Variants in ULK4 observed in about 807,000 individuals in gnomAD.
ULK4 encodes the protein inactive serine/threonine-protein kinase ULK4.
Under a neutral mutation model 160.6 loss-of-function variants are expected in ULK4, and 133 were observed. The observed-to-expected ratio is 0.83, with a 90% CI of 0.72 to 0.96. ULK4 has a LOEUF of 0.96. ULK4 is among the 40% of genes least tolerant of loss of function. The pLI is 0.00. For missense variants in ULK4, 1,580 were observed against 1,499.5 expected, an observed-to-expected ratio of 1.05 and a Z score of -0.89; for synonymous variants, 534 against 539.8, an observed-to-expected ratio of 0.99 and a Z score of 0.15.
intron 35 of ULK4, among the ~76,000 whole-genome samples, chr3:41,389,088 C>G (rs1559562831): frequency 6.6e-6 from 1 of 152,056 alleles, no homozygotes; most frequent in Admixed American, 6.5e-5. Context: ...AGAGGTCCTT[C>G]ACATCCCTTG....
intron 32 of ULK4, among the ~76,000 whole-genome samples, chr3:41,491,929 T>C (rs555202018): frequency 3.2e-4 from 47 of 148,900 alleles, no homozygotes; most frequent in African/African-American, 1.1e-3. Flanking sequence ...CCCCTTCCTG[T>C]GTCCATGTGT....
chr3:41,471,516 A>T (rs1278774180), intron 32 of ULK4, among the ~76,000 whole-genome samples: 1 of 152,186 alleles, frequency 6.6e-6, no homozygotes, highest in African/African-American at 2.4e-5. Flanking sequence ...TATGCAGAAC[A>T]TTCCACCTAA....
intron 35 of ULK4, among the ~76,000 whole-genome samples, chr3:41,273,780 T>G (rs1365604060): frequency 1.3e-5 from 2 of 152,168 alleles, no homozygotes; most frequent in African/African-American, 4.8e-5. Context: ...TAGTGAGTTC[T>G]TGCTTTTGCA....
At chr3:41,305,756 G>A (rs139357049) in intron 35 of ULK4, among the ~76,000 whole-genome samples, 71,526 of 140,048 alleles carry the variant, frequency 0.51, 19,203 homozygotes, top group African/African-American at 0.71. Flanking sequence ...CCCGGCCGCC[G>A]TCCCACCTAG....
At chr3:41,373,501 T>TAC (rs2081415582) in intron 35 of ULK4, among the ~76,000 whole-genome samples, 1 of 152,138 alleles carries the variant, frequency 6.6e-6, no homozygotes, top group African/African-American at 2.4e-5. Context: ...ACGGCACAAC[T>TAC]ACGTGGAAGC....
chr3:41,953,550 TGAG>T (rs1700374379), intron 2 of ULK4, among the ~76,000 whole-genome samples: 1 of 151,496 alleles, frequency 6.6e-6, no homozygotes. Flanking sequence ...ATTACAGGTG[TGAG>T]CCACCACACC....
intron 2 of ULK4, among the ~76,000 whole-genome samples, chr3:41,938,852 T>A (rs969409259): frequency 1.6e-4 from 24 of 152,292 alleles, no homozygotes; most frequent in Non-Finnish European, 2.8e-4. Flanking sequence ...TACTTTTCTC[T>A]CATTTTCTAT....
intron 1 of ULK4, among the ~76,000 whole-genome samples, chr3:41,957,801 AGGAG>A (rs1161213023): frequency 1.3e-5 from 2 of 152,244 alleles, no homozygotes; most frequent in African/African-American, 4.8e-5. Context: ...TGGGAGGCCA[AGGAG>A]GGAGGTTCAA....
At chr3:41,694,030 G>A (rs1029177572) in intron 27 of ULK4, among the ~76,000 whole-genome samples, 3 of 152,140 alleles carry the variant, frequency 2.0e-5, no homozygotes, top group African/African-American at 4.8e-5. Context: ...CAAACAAATC[G>A]TGACCTCATT....
At chr3:41,247,454 C>CT (rs1462751515) in intron 36 of ULK4, among the ~76,000 whole-genome samples, 1 of 152,180 alleles carries the variant, frequency 6.6e-6, no homozygotes, top group African/African-American at 2.4e-5. Flanking sequence ...AAAACGGGAA[C>CT]TTTTTTACTG....
intron 35 of ULK4, among the ~76,000 whole-genome samples, chr3:41,353,420 A>T (rs1225558866): frequency 2.6e-5 from 4 of 152,164 alleles, no homozygotes; most frequent in Admixed American, 2.6e-4. Flanking sequence ...CTGTAATTTC[A>T]GCATTTTGGG....
At chr3:41,514,600 A>G (rs1385523189) in intron 32 of ULK4, among the ~76,000 whole-genome samples, 1 of 152,244 alleles carries the variant, frequency 6.6e-6, no homozygotes, top group Non-Finnish European at 1.5e-5. Flanking sequence ...TAATAGCCAT[A>G]AAAACAATGA....
At chr3:41,894,730 C>T (rs1698091739) in intron 16 of ULK4, among the ~76,000 whole-genome samples, 1 of 152,134 alleles carries the variant, frequency 6.6e-6, no homozygotes. Context: ...AAGTACTTGG[C>T]CCAGAAAGCT....
intron 35 of ULK4, among the ~76,000 whole-genome samples, chr3:41,300,853 A>G: frequency 1.2e-5 from 1 of 84,434 alleles, no homozygotes; most frequent in Non-Finnish European, 2.3e-5. Context: ...ATATATATAT[A>G]TATATATATA....
intron 30 of ULK4, among the ~76,000 whole-genome samples, chr3:41,639,991 G>C (rs978577361): frequency 9.9e-5 from 15 of 152,178 alleles, no homozygotes; most frequent in Non-Finnish European, 1.9e-4. Flanking sequence ...GGCCAGACCT[G>C]TGTGTGTATG....
At chr3:41,473,795 C>A (rs1283780744) in intron 32 of ULK4, among the ~76,000 whole-genome samples, 1 of 149,958 alleles carries the variant, frequency 6.7e-6, no homozygotes, top group Non-Finnish European at 1.5e-5. Flanking sequence ...AATAACTGTA[C>A]CCTGAAAACT....
chr3:41,652,332 C>G (rs926379735), intron 30 of ULK4, among the ~76,000 whole-genome samples: 1 of 152,040 alleles, frequency 6.6e-6, no homozygotes, highest in Non-Finnish European at 1.5e-5. Context: ...GACAAAACTC[C>G]TAAGAATTTA....
intron 17 of ULK4, among the ~76,000 whole-genome samples, chr3:41,863,157 T>C (rs532895893): frequency 1.2e-3 from 183 of 152,268 alleles, no homozygotes; most frequent in African/African-American, 3.9e-3. Context: ...GAACTGGTAC[T>C]GAAACTACAC....
At chr3:41,618,997 A>T (rs902243348) in intron 30 of ULK4, among the ~76,000 whole-genome samples, 3 of 152,156 alleles carry the variant, frequency 2.0e-5, no homozygotes, top group Non-Finnish European at 4.4e-5. Flanking sequence ...GATTTAAAAT[A>T]GACTTTAAAC....
Sources: allele counts gnomAD v4.1 joint callset (sites outside exome capture counted in the v4.1 genomes callset), GRCh38; gene constraint gnomAD v4.1.1; transcripts MANE v1.5; gene names NCBI Gene and HGNC (gene_info 2026-07-23, HGNC 2026-07-21).